RGS7: variants seen among roughly 807,000 people sequenced by gnomAD.
RGS7 encodes regulator of G protein signaling 7.
A neutral mutation model predicts 81.1 loss-of-function variants in RGS7; 27 were observed. The observed-to-expected ratio is 0.33, with a 90% CI of 0.25 to 0.46. RGS7 has a LOEUF of 0.46. Ranked by LOEUF, RGS7 falls within the 20% of genes least tolerant of loss-of-function variation. The probability of loss-of-function intolerance (pLI) is 1.00; values close to 1 mark genes in which losing one functional copy is unlikely to be tolerated. For synonymous variants in RGS7, 208 were observed against 207.7 expected, an observed-to-expected ratio of 1.00 and a Z score of -0.01; for missense variants, 396 against 607.4, an observed-to-expected ratio of 0.65 and a Z score of 3.66.
chr1:241,267,147 C>T (rs1254923218), intron 2 of RGS7, among the ~76,000 whole-genome samples: 1 of 152,136 alleles, frequency 6.6e-6, no homozygotes, highest in Non-Finnish European at 1.5e-5. Flanking sequence ...ATCCTAGCTC[C>T]GTCTCTCTCA....
intron 3 of RGS7, among the ~76,000 whole-genome samples, chr1:241,042,996 T>C (rs1018887991): frequency 6.6e-6 from 1 of 152,000 alleles, no homozygotes; most frequent in Admixed American, 6.6e-5. Context: ...TATCCTAGTG[T>C]AATTATTATT....
intron 6 of RGS7, among the ~76,000 whole-genome samples, chr1:240,921,754 G>C (rs1673579920): frequency 6.6e-6 from 1 of 151,916 alleles, no homozygotes; most frequent in African/African-American, 2.4e-5. Flanking sequence ...AGAAATCAAA[G>C]ATCAAAATCA....
At chr1:241,020,044 C>T (rs1028278956) in intron 3 of RGS7, among the ~76,000 whole-genome samples, 6 of 152,264 alleles carry the variant, frequency 3.9e-5, no homozygotes, top group Admixed American at 3.9e-4. Context: ...AGTCTCAGCT[C>T]TTCTAATCTG....
intron 4 of RGS7, among the ~76,000 whole-genome samples, chr1:240,961,429 T>C (rs1487605093): frequency 6.6e-6 from 1 of 152,206 alleles, no homozygotes; most frequent in Non-Finnish European, 1.5e-5. Context: ...TAATCTATTA[T>C]CAGGGAGCTC....
chr1:240,857,203 T>A (rs989605332), intron 9 of RGS7, among the ~76,000 whole-genome samples: 13 of 152,014 alleles, frequency 8.6e-5, no homozygotes, highest in African/African-American at 3.1e-4. Flanking sequence ...AAAAGTTATA[T>A]CTCTATTTTT....
intron 4 of RGS7, among the ~76,000 whole-genome samples, chr1:240,951,096 T>TA (rs1454401750): frequency 4.6e-5 from 7 of 152,072 alleles, no homozygotes; most frequent in African/African-American, 1.7e-4. Context: ...TAATTTTTTT[T>TA]ATTTGCGGAG....
intron 4 of RGS7, among the ~76,000 whole-genome samples, chr1:240,980,885 T>C (rs980377934): frequency 2.6e-5 from 4 of 152,204 alleles, no homozygotes; most frequent in African/African-American, 7.2e-5. Flanking sequence ...CCTTCCTGGA[T>C]ACATTTGACT....
chr1:241,011,356 T>G (rs868731068), intron 3 of RGS7, among the ~76,000 whole-genome samples: 6 of 152,014 alleles, frequency 3.9e-5, no homozygotes, highest in African/African-American at 1.2e-4. Context: ...GAGAGCAAAG[T>G]AGAGCAGCCT....
At chr1:241,016,568 CAAAA>C (rs890392440) in intron 3 of RGS7, among the ~76,000 whole-genome samples, 5 of 134,722 alleles carry the variant, frequency 3.7e-5, no homozygotes, top group East Asian at 2.0e-4. Context: ...ACCAAACAAA[CAAAA>C]AAAAAACCCC....
intron 6 of RGS7, among the ~76,000 whole-genome samples, chr1:240,876,565 C>T (rs1665450023): frequency 6.6e-6 from 1 of 152,062 alleles, no homozygotes; most frequent in South Asian, 2.1e-4. Context: ...GGGAATAATC[C>T]ATTCTGGCAA....
chr1:241,306,148 A>ACACT (rs61022380), intron 2 of RGS7, among the ~76,000 whole-genome samples: 2 of 142,878 alleles, frequency 1.4e-5, no homozygotes, highest in African/African-American at 2.6e-5. Flanking sequence ...ACACACACAC[A>ACACT]CTCACACACG....
chr1:241,026,353 C>T (rs566938892), intron 3 of RGS7, among the ~76,000 whole-genome samples: 2 of 152,146 alleles, frequency 1.3e-5, no homozygotes, highest in South Asian at 2.1e-4. Context: ...TTTGGGAAGC[C>T]GAGGCGGGTG....
At chr1:240,957,022 G>A (rs1288325845) in intron 4 of RGS7, among the ~76,000 whole-genome samples, 2 of 152,188 alleles carry the variant, frequency 1.3e-5, no homozygotes, top group African/African-American at 2.4e-5. Context: ...AACTTGATTG[G>A]ATTGAAGGAT....
At chr1:240,925,770 A>G (rs540845393) in intron 6 of RGS7, among the ~76,000 whole-genome samples, 73 of 152,340 alleles carry the variant, frequency 4.8e-4, no homozygotes, top group Non-Finnish European at 9.3e-4. Flanking sequence ...TGTTTTCTCC[A>G]TAGCCTTGTC....
intron 2 of RGS7, among the ~76,000 whole-genome samples, chr1:241,343,899 AAAG>A (rs368168580): frequency 0.01 from 1,560 of 152,320 alleles, 18 homozygotes; most frequent in Non-Finnish European, 0.013. Flanking sequence ...AAGAAAAAGT[AAAG>A]AAGACTTCTT....
chr1:241,066,524 C>T (rs115756222), intron 3 of RGS7, among the ~76,000 whole-genome samples: 506 of 152,340 alleles, frequency 3.3e-3, no homozygotes, highest in Admixed American at 5.4e-3. Flanking sequence ...AACATGTAAT[C>T]TTAATATATA....
At chr1:240,795,208 C>CCACCA in intron 18 of RGS7, among the ~76,000 whole-genome samples, 1 of 118,160 alleles carries the variant, frequency 8.5e-6, no homozygotes, top group Admixed American at 7.9e-5. Context: ...AACAAAAAAA[C>CCACCA]CCACCACCAC....
chr1:240,789,286 G>A lies in RGS7; in HGVS notation c.*6+11355C>T, dbSNP rs528593241. On this transcript the variant is annotated intron_variant, in intron 18 of 18. Coordinates refer to ENST00000440928, the MANE Select transcript of RGS7 (RefSeq NM_001364886.1). ...TCATAAGCTGAGGAGGATGTATGTC[G>A]CCTCAGGACCATGTGATGATTGCGT... Among the ~76,000 whole-genome samples the A allele has an allele frequency of 1.6e-4, 25 of 152,134 alleles. No homozygotes were observed. The South Asian group carries it at 4.8e-3, about 29-fold the overall frequency.
chr1:241,259,667 A>AAAAAAAATAT lies in RGS7; in HGVS notation c.78+96031_78+96032insATATTTTTTT. 5.0e-3 allele frequency among the ~76,000 whole-genome samples: 244 copies of AAAAAAAATAT among 49,090 alleles called. 5 individuals carry two copies. The highest frequency in any genetic ancestry group is 0.015 in the African/African-American group (193 of 12,544). The allele number at this position is 49,090 out of a possible 152,430, so 32.2% of individuals were successfully genotyped here. A position where few individuals can be genotyped will look rare whatever the true frequency, so the allele number is the denominator to read the frequency against. ...CTCCGTCTCAAAAAAAAAAAAAAAA[A>AAAAAAAATAT]ATATATATATATATATATAATTAAA... On this transcript the variant is annotated intron_variant, in intron 2 of 18. Transcript: ENST00000440928.
Sources: allele counts gnomAD v4.1 joint callset (sites outside exome capture counted in the v4.1 genomes callset), GRCh38; gene constraint gnomAD v4.1.1; transcripts MANE v1.5; gene names NCBI Gene and HGNC (gene_info 2026-07-23, HGNC 2026-07-21).